Variants in CDH20 observed in about 807,000 individuals in gnomAD.
The protein encoded by CDH20 is cadherin-20.
In CDH20, 29 loss-of-function variants were observed where a neutral mutation model predicts 74.2. The observed-to-expected ratio is 0.39, with a 90% confidence interval of 0.29 to 0.53. CDH20 has a LOEUF of 0.53. Among genes scored for constraint, CDH20 ranks in the 20% least tolerant of loss-of-function variants. CDH20 has a pLI of 0.69. For missense variants in CDH20, 988 were observed against 1,048.3 expected (o/e 0.94, Z 0.79); for synonymous variants, 469 against 405.4 (o/e 1.16, Z -1.88).
intron 1 of CDH20, among the ~76,000 whole-genome samples, chr18:61,422,796 C>T (rs887919786): frequency 7.9e-5 from 12 of 151,306 alleles, no homozygotes; most frequent in Non-Finnish European, 1.5e-4. Context: ...TAAATGGTCA[C>T]ATTTTATACA....
rs148547760 is a variant in CDH20 at position 61,434,647 on chromosome 18, T to C, written c.-152-55755T>C. The stretch of plus-strand genomic sequence containing the variant: ...TTGTCCTGGGAGGTCTGGTGGTCCA[T>C]GAGGTCTGTGGGCTGCTCACTGTGC... On this transcript the variant is annotated intron_variant, in intron 1 of 11. Coordinates refer to ENST00000262717, the MANE Select transcript of CDH20 (RefSeq NM_031891.4). 4.3e-3 allele frequency among the ~76,000 whole-genome samples: 654 copies of C among 152,180 alleles called. 4 individuals carry two copies. Among genetic ancestry groups the C allele is most frequent in the African/African-American group, 0.015 (605 of 41,534 alleles).
intron 1 of CDH20, among the ~76,000 whole-genome samples, chr18:61,451,483 T>C (rs1909385857): frequency 6.6e-6 from 1 of 152,122 alleles, no homozygotes; most frequent in Admixed American, 6.6e-5. Flanking sequence ...CCACACTCAG[T>C]GACTATGTCG....
intron 6 of CDH20, among the ~76,000 whole-genome samples, chr18:61,521,098 A>T (rs946091891): frequency 1.3e-5 from 2 of 151,254 alleles, no homozygotes; most frequent in Non-Finnish European, 2.9e-5. Context: ...GGAGATAGAG[A>T]CACAAAAAAA....
chr18:61,423,125 G>C (rs761279769), intron 1 of CDH20, among the ~76,000 whole-genome samples: 2 of 152,152 alleles, frequency 1.3e-5, no homozygotes, highest in Non-Finnish European at 2.9e-5. Flanking sequence ...GAAGAAACAG[G>C]GCAAATCCTG....
intron 1 of CDH20, among the ~76,000 whole-genome samples, chr18:61,429,056 C>A (rs1046746568): frequency 6.6e-6 from 1 of 152,056 alleles, no homozygotes; most frequent in Non-Finnish European, 1.5e-5. Flanking sequence ...CAGTGGAGAG[C>A]GTTATGTAGG....
chr18:61,335,446 G>A (rs1909725913), intron 1 of CDH20, among the ~76,000 whole-genome samples: 1 of 152,132 alleles, frequency 6.6e-6, no homozygotes, highest in Non-Finnish European at 1.5e-5. Flanking sequence ...CAGGAGATGA[G>A]GTCAAGCCTC....
intron 6 of CDH20, among the ~76,000 whole-genome samples, chr18:61,525,837 G>C (rs1015517977): frequency 1.3e-5 from 2 of 151,958 alleles, no homozygotes; most frequent in African/African-American, 4.8e-5. Context: ...GAGACAAGGT[G>C]TCTCCGTCAC....
At chr18:61,366,568 G>T (rs1910868196) in intron 1 of CDH20, among the ~76,000 whole-genome samples, 1 of 152,116 alleles carries the variant, frequency 6.6e-6, no homozygotes, top group African/African-American at 2.4e-5. Flanking sequence ...ATGAGTTAAA[G>T]TAGGATTTGT....
chr18:61,357,729 A>G (rs1184115254), intron 1 of CDH20, among the ~76,000 whole-genome samples: 1 of 152,024 alleles, frequency 6.6e-6, no homozygotes, highest in Non-Finnish European at 1.5e-5. Flanking sequence ...ACCCAACAAA[A>G]TCAACTGTTT....
Position 61,550,831 on chromosome 18 carries a change from C to T in CDH20, c.1900+602C>T, listed in dbSNP as rs75510614. On this transcript the variant is annotated intron_variant, in intron 11 of 11. Coordinates refer to ENST00000262717, the MANE Select transcript of CDH20 (RefSeq NM_031891.4). ...TGGTTGGAAAAGTGACAGGGATAGACGCCACTTCAAACAGGGTAGTCAGGG... is the reference window on the plus strand; with the variant it reads ...TGGTTGGAAAAGTGACAGGGATAGATGCCACTTCAAACAGGGTAGTCAGGG... Among the ~76,000 whole-genome samples, 1,503 of 152,272 alleles carry T rather than the reference C, an allele frequency of 9.9e-3. 29 individuals are homozygous for T. Among genetic ancestry groups the T allele is most frequent in the African/African-American group, 0.034 (1,419 of 41,524 alleles).
chr18:61,446,880 T>G (rs893368250), intron 1 of CDH20, among the ~76,000 whole-genome samples: 7 of 152,212 alleles, frequency 4.6e-5, no homozygotes, highest in Non-Finnish European at 7.3e-5. Context: ...ACACGAGGAT[T>G]GGTAGCACAG....
chr18:61,431,040 G>A (rs1467272662), intron 1 of CDH20, among the ~76,000 whole-genome samples: 2 of 152,162 alleles, frequency 1.3e-5, no homozygotes, highest in Non-Finnish European at 2.9e-5. Context: ...GTAGACCTAT[G>A]TATCTGTAAT....
At chr18:61,421,385 G>A in intron 1 of CDH20, among the ~76,000 whole-genome samples, 1 of 152,060 alleles carries the variant, frequency 6.6e-6, no homozygotes, top group East Asian at 1.9e-4. Context: ...CAAATTTACT[G>A]TTATCACCAG....
At chr18:61,360,222 T>A (rs1403831319) in intron 1 of CDH20, among the ~76,000 whole-genome samples, 1 of 152,174 alleles carries the variant, frequency 6.6e-6, no homozygotes, top group Non-Finnish European at 1.5e-5. Flanking sequence ...AGATGATCTG[T>A]AGGTTACCCT....
chr18:61,489,133 C>T (rs12958576), intron 1 of CDH20, among the ~76,000 whole-genome samples: 25 of 152,200 alleles, frequency 1.6e-4, no homozygotes, highest in Non-Finnish European at 3.1e-4. Context: ...TATCATTTCT[C>T]ATTAAAATGA....
At position 61,333,820 on chromosome 18, in the gene CDH20, G is replaced by T. The variant is rs890642647; in HGVS notation, c.-160G>T. ...CGAAGGTCTCCGGAGAGTCGCCGGC[G>T]GTGCCAGGTAACGCAGAGGGCTCGG... On this transcript the variant is annotated 5_prime_UTR_variant, in exon 1 of 12. Coordinates refer to ENST00000262717, the MANE Select transcript of CDH20 (RefSeq NM_031891.4). 2.0e-5 allele frequency: 3 copies of T among 152,226 alleles called. No homozygotes were observed. Among genetic ancestry groups the T allele is most frequent in the African/African-American group, 4.8e-5 (2 of 41,450 alleles). 9.4% of individuals were successfully genotyped at this position (152,226 alleles called of 1,614,324 possible). A position where few individuals can be genotyped will look rare whatever the true frequency, so the allele number is the denominator to read the frequency against.
chr18:61,517,544 T>C (rs996524679), intron 6 of CDH20, among the ~76,000 whole-genome samples: 7 of 152,118 alleles, frequency 4.6e-5, no homozygotes, highest in African/African-American at 1.7e-4. Context: ...TAAGGAACAG[T>C]GCATTCTGGC....
intron 1 of CDH20, among the ~76,000 whole-genome samples, chr18:61,434,703 T>C (rs1312845213): frequency 2.0e-5 from 3 of 152,162 alleles, no homozygotes; most frequent in African/African-American, 7.2e-5. Context: ...GCCAGAACTT[T>C]CTTCCTAAGT....
intron 1 of CDH20, among the ~76,000 whole-genome samples, chr18:61,383,030 G>A (rs1911481215): frequency 6.6e-6 from 1 of 152,128 alleles, no homozygotes. Flanking sequence ...CCTGTAAAAT[G>A]AAGGCAATCA....
Sources: allele counts gnomAD v4.1 joint callset (sites outside exome capture counted in the v4.1 genomes callset), GRCh38; gene constraint gnomAD v4.1.1; transcripts MANE v1.5; gene names NCBI Gene and HGNC (gene_info 2026-07-23, HGNC 2026-07-21).